Variants in CSN1S1 observed in about 807,000 individuals in gnomAD.
The protein encoded by CSN1S1 is alpha-S1-casein.
In CSN1S1, 63 loss-of-function variants were observed where a neutral mutation model predicts 49.1. The ratio of observed to expected loss-of-function variants is 1.28; its 90% CI spans 1.05 to 1.58. The LOEUF is 1.58. CSN1S1 is among the 40% of genes most tolerant of loss of function. CSN1S1 has a pLI of 0.00. For synonymous variants in CSN1S1, 78 were observed against 67.1 expected, an observed-to-expected ratio of 1.16 and a Z score of -0.79; for missense variants, 260 against 224.7, an observed-to-expected ratio of 1.16 and a Z score of -1.01.
rs957552849 is a variant in CSN1S1 at position 69,944,513 on chromosome 4, C to A, written c.403-337C>A. 2.6e-5 allele frequency among the ~76,000 whole-genome samples: 4 copies of A among 151,782 alleles called. No homozygotes were observed. In the South Asian group the frequency reaches 6.2e-4, roughly 24 times the overall value. On this transcript the variant is annotated intron_variant, in intron 14 of 15. Transcript: ENST00000246891. Reference sequence around the variant, plus strand: ...GGCAAAAATTCCCTTGAGTTTATAACGTAAATAATAATGAAATGTATGCTA... The same window carrying A: ...GGCAAAAATTCCCTTGAGTTTATAAAGTAAATAATAATGAAATGTATGCTA...
intron 2 of CSN1S1, among the ~76,000 whole-genome samples, chr4:69,932,872 G>C (rs1011433379): frequency 6.6e-6 from 1 of 151,844 alleles, no homozygotes; most frequent in Non-Finnish European, 1.5e-5. Context: ...TTAAAAGTAA[G>C]AAAAAGAATA....
At position 69,932,704 on chromosome 4, in the gene CSN1S1, A is replaced by G. The variant is rs1722647048; in HGVS notation, c.51+98A>G. 4 of 1,098,794 alleles carry G rather than the reference A, an allele frequency of 3.6e-6. No individual in the cohort carries two copies. The South Asian group carries it at 5.4e-5, about 15-fold the overall frequency. 68.1% of individuals were successfully genotyped at this position (1,098,794 alleles called of 1,614,324 possible). A position where few individuals can be genotyped will look rare whatever the true frequency, so the allele number is the denominator to read the frequency against. On this transcript the variant is annotated intron_variant, in intron 2 of 15. Coordinates refer to ENST00000246891, the MANE Select transcript of CSN1S1 (RefSeq NM_001890.2). ...ATACCCAGAGAAATAATCTTAAAGC[A>G]CTGGATGATCTCTAATTGGCCTCTG...
Position 69,935,939 on chromosome 4 carries a change from A to G in CSN1S1, c.119A>G (p.Glu40Gly). 1 of 1,538,370 alleles carries G rather than the reference A, an allele frequency of 6.5e-7. No homozygotes were observed. The highest frequency in any genetic ancestry group is 8.8e-7 in the Non-Finnish European group (1 of 1,135,828). Residue 40 changes from glutamate to glycine, a missense_variant, in exon 5 of 16, where the codon GAA (glutamate) becomes GGA (glycine). Glu to Gly is a moderately conservative substitution (Grantham distance 98). Transcript: ENST00000246891. ...TTTTTTTTGTAGCCTATACCATTAGAATCAAGAGAGGTAAGAATGACTCCA... is the reference window on the plus strand; with the variant it reads ...TTTTTTTTGTAGCCTATACCATTAGGATCAAGAGAGGTAAGAATGACTCCA... ...PSESSEPIPL[E>G]SREEYMNGMN...
chr4:69,934,268 A>G (rs751098761), intron 3 of CSN1S1, 24 bp downstream of exon 3: 2 of 1,606,262 alleles, frequency 1.2e-6, no homozygotes, highest in South Asian at 2.2e-5. Context: ...TCTGCATTCC[A>G]AGAACTCACT....
chr4:69,937,857 T>C, intron 9 of CSN1S1, 34 bp downstream of exon 9: 1 of 1,527,996 alleles, frequency 6.5e-7, no homozygotes, highest in South Asian at 1.3e-5. Context: ...ACTCTACACT[T>C]ACGTATCAAA....
intron 12 of CSN1S1, 26 bp from the exon 13 acceptor site, chr4:69,942,019 TA>T: frequency 1.4e-6 from 2 of 1,415,508 alleles, no homozygotes; most frequent in African/African-American, 1.4e-5. Context: ...ATGAAAATAC[TA>T]AAACAGAATG....
intron 2 of CSN1S1, among the ~76,000 whole-genome samples, chr4:69,933,677 G>A (rs1442549644): frequency 6.6e-6 from 1 of 151,860 alleles, no homozygotes; most frequent in African/African-American, 2.4e-5. Flanking sequence ...AAACAATAGG[G>A]TTCTTTATTT....
At chr4:69,940,810 T>A (rs1225878995) in intron 11 of CSN1S1, among the ~76,000 whole-genome samples, 1 of 151,808 alleles carries the variant, frequency 6.6e-6, no homozygotes, top group African/African-American at 2.4e-5. Flanking sequence ...ATAATTTAAA[T>A]TCAAGAAGTT....
At chr4:69,944,566 G>A (rs1260518288) in intron 14 of CSN1S1, among the ~76,000 whole-genome samples, 1 of 151,848 alleles carries the variant, frequency 6.6e-6, no homozygotes, top group Non-Finnish European at 1.5e-5. Context: ...CTGATAAGTG[G>A]ACCTGTGAGT....
chr4:69,934,290 G>T lies in CSN1S1; in HGVS notation c.84+46G>T, dbSNP rs376683512. 7.6e-6 allele frequency: 12 copies of T among 1,573,416 alleles called. No individual in the cohort carries two copies. In the African/African-American group the frequency reaches 1.5e-4, roughly 20 times the overall value. Reference sequence around the variant, plus strand: ...TCCAAGAACTCACTCTAATTGTGAAGCACAAACTCCAAATGTGCGCTTCCC... The same window carrying T: ...TCCAAGAACTCACTCTAATTGTGAATCACAAACTCCAAATGTGCGCTTCCC... On this transcript the variant is annotated intron_variant, in intron 3 of 15. Coordinates refer to ENST00000246891, the MANE Select transcript of CSN1S1 (RefSeq NM_001890.2).
At chr4:69,934,037 CT>C (rs914027916) in intron 2 of CSN1S1, among the ~76,000 whole-genome samples, 174 bp from the exon 3 acceptor site, 76 of 150,822 alleles carry the variant, frequency 5.0e-4, no homozygotes, top group African/African-American at 1.6e-3. Context: ...ATTATGATTT[CT>C]TTTTTTTTCC....
At chr4:69,943,027 C>T (rs1264070852) in intron 14 of CSN1S1, among the ~76,000 whole-genome samples, 3 of 149,578 alleles carry the variant, frequency 2.0e-5, no homozygotes, top group East Asian at 2.0e-4. Context: ...CCTCACAGTA[C>T]ATCAAATTTT....
In CSN1S1 at chr4:69,946,204, G is replaced by C. The variant is rs1469229388; in HGVS notation, c.*8G>C. The stretch of plus-strand genomic sequence containing the variant: ...TCTATTTCTATTTACAGATATGATT[G>C]AAAATTTCATTCTCTGAATTTCTCC... On this transcript the variant is annotated 3_prime_UTR_variant, in exon 16 of 16. Coordinates refer to ENST00000246891, the MANE Select transcript of CSN1S1 (RefSeq NM_001890.2). 2 of 545,296 alleles carry C rather than the reference G, an allele frequency of 3.7e-6. No homozygotes were observed. The highest frequency in any genetic ancestry group is 6.8e-6 in the Non-Finnish European group (2 of 293,820). 33.8% of individuals were successfully genotyped at this position (545,296 alleles called of 1,614,324 possible).
chr4:69,945,023 C>T lies in CSN1S1; in HGVS notation c.557+19C>T, dbSNP rs752420934. On this transcript the variant is annotated intron_variant, in intron 15 of 15. Coordinates refer to ENST00000246891, the MANE Select transcript of CSN1S1 (RefSeq NM_001890.2). ...AGTGGTGGTAAGTTCATTTAAATTA[C>T]TACATCTTGATGTTCTACCAAAGGA... The T allele has an allele frequency of 1.9e-6, 3 of 1,610,000 alleles. No individual in the cohort carries two copies. Among genetic ancestry groups the T allele is most frequent in the African/African-American group, 1.3e-5 (1 of 74,854 alleles).
chr4:69,936,714 C>T, intron 7 of CSN1S1, 107 bp downstream of exon 7: 1 of 1,027,018 alleles, frequency 9.7e-7, no homozygotes, highest in East Asian at 2.6e-5. Context: ...TTTGTCCTTT[C>T]CTTGAACTTT....
chr4:69,936,006 G>T (rs1436639318), intron 5 of CSN1S1, 57 bp downstream of exon 5: 1 of 1,338,730 alleles, frequency 7.5e-7, no homozygotes, highest in Non-Finnish European at 1.0e-6. Flanking sequence ...TAAGTGTTAA[G>T]ATCAGGAGAC....
chr4:69,931,563 A>G (rs1477700736), intron 1 of CSN1S1, among the ~76,000 whole-genome samples: 1 of 151,948 alleles, frequency 6.6e-6, no homozygotes, highest in African/African-American at 2.4e-5. Context: ...TACAATGTGA[A>G]TATCTATTAT....
intron 10 of CSN1S1, 71 bp from the exon 11 acceptor site, chr4:69,939,950 T>G (rs1302940079): frequency 1.1e-6 from 1 of 911,954 alleles, no homozygotes; most frequent in Admixed American, 3.0e-5. Context: ...GTTTTGTTGA[T>G]TCATATTTTA....
rs763113511 is a variant in CSN1S1 at position 69,939,201 on chromosome 4, C to A, written c.269C>A (p.Ser90Ter). 1.9e-6 allele frequency: 3 copies of A among 1,596,018 alleles called. No homozygotes were observed. The highest frequency in any genetic ancestry group is 1.7e-5 in the Admixed American group (1 of 59,104). Residue 90 changes from serine (S) to a stop codon, truncating the protein, a stop_gained, in exon 10 of 16, where the codon TCG becomes TAG. Coordinates refer to ENST00000246891, the MANE Select transcript of CSN1S1 (RefSeq NM_001890.2). LOFTEE classifies it high-confidence loss of function. ...AAGATGGAATCCAGCATCAGTTCAT[C>A]GAGTGAGGTAAATAATTTTGATATT... ...PEKMESSISS[S>*]SEEMSLSKCA...
Sources: gnomAD v4.1 joint callset for allele counts (sites outside exome capture counted in the v4.1 genomes callset) on GRCh38, gnomAD v4.1.1 for gene constraint, MANE v1.5 for transcripts, NCBI Gene and HGNC (gene_info 2026-07-23, HGNC 2026-07-21) for gene names.